Variants in FAM210B observed in about 807,000 individuals in gnomAD.
The protein encoded by FAM210B is mitochondrial inner membrane scaffold 2, also known as family with sequence similarity 210 member B.
In FAM210B, 11 loss-of-function variants were observed where a neutral mutation model predicts 14.9. That is an observed-to-expected ratio of 0.74 (90% CI 0.46 to 1.22). The LOEUF is 1.22. FAM210B is among the 50% of genes most tolerant of loss of function. FAM210B has a pLI of 0.00. For missense variants in FAM210B, 229 were observed against 250.1 expected (o/e 0.92, Z 0.57); for synonymous variants, 113 against 110.2 (o/e 1.03, Z -0.16).
intron 1 of FAM210B, 53 bp from the exon 2 acceptor site, chr20:56,365,034 A>G (rs975915958): frequency 9.0e-6 from 14 of 1,552,460 alleles, no homozygotes; most frequent in East Asian, 2.3e-5. Flanking sequence ...AAAGCCGGTA[A>G]TGACTGCCCG....
At position 56,363,859 on chromosome 20, in the gene FAM210B, G is replaced by A. The variant is rs144368198; in HGVS notation, c.187-1228G>A. Among the ~76,000 whole-genome samples, 11 of 152,284 alleles carry A rather than the reference G, an allele frequency of 7.2e-5. No homozygotes were observed. Among genetic ancestry groups the A allele is most frequent in the South Asian group, 6.2e-4 (3 of 4,826 alleles). ...TTGCTGCATTAATTTTGTGCGCACCGTCCTTTTTTGATGGCATATAACATG... is the reference window on the plus strand; with the variant it reads ...TTGCTGCATTAATTTTGTGCGCACCATCCTTTTTTGATGGCATATAACATG... On this transcript the variant is annotated intron_variant, in intron 1 of 2. Coordinates refer to ENST00000371384, the MANE Select transcript of FAM210B (RefSeq NM_080821.3). This position sits in a 1 kb window ranked among gnomAD's most constrained non-coding sequence, Gnocchi z 4.1.
In FAM210B at chr20:56,362,342, C is replaced by G. The variant is rs1983549578; in HGVS notation, c.187-2745C>G. ...GGGGCATCTCACACACACACTGTCT[C>G]ACACACACTCTCACACACATGTGCA... On this transcript the variant is annotated intron_variant, in intron 1 of 2. Transcript: ENST00000371384. This position sits in a 1 kb window ranked among gnomAD's most constrained non-coding sequence, Gnocchi z 4.8. Among the ~76,000 whole-genome samples, 1 of 54,754 alleles carries G rather than the reference C, an allele frequency of 1.8e-5. No individual in the cohort carries two copies. The highest frequency in any genetic ancestry group is 2.8e-5 in the Non-Finnish European group (1 of 36,226). 35.9% of individuals were successfully genotyped at this position (54,754 alleles called of 152,430 possible). A position where few individuals can be genotyped will look rare whatever the true frequency, so the allele number is the denominator to read the frequency against.
rs1983564368 is a variant in FAM210B, at chr20:56,363,045, G to A, written c.187-2042G>A. Among the ~76,000 whole-genome samples, 1 of 152,242 alleles carries A rather than the reference G, an allele frequency of 6.6e-6. No homozygotes were observed. Among genetic ancestry groups the A allele is most frequent in the Non-Finnish European group, 1.5e-5 (1 of 68,050 alleles). Reference sequence around the variant, plus strand: ...GCCCTCCACAGCCATCCTGGCCGGGGGTGGCAGGACTAGTCAGAAGGCTTC... The same window carrying A: ...GCCCTCCACAGCCATCCTGGCCGGGAGTGGCAGGACTAGTCAGAAGGCTTC... On this transcript the variant is annotated intron_variant, in intron 1 of 2. Transcript: ENST00000371384. The surrounding 1 kb of genome is among the most constrained non-coding windows in gnomAD (Gnocchi z 4.1).
In FAM210B at chr20:56,366,151, G is replaced by C. The variant is rs768275187; in HGVS notation, c.443G>C (p.Ser148Thr). Reference protein sequence around the residue: ...LVQSKMAAGTSTFVVAYAIHK... With the variant: ...LVQSKMAAGTTTFVVAYAIHK... ...CAGTCAAAAATGGCAGCAGGCACAA[G>C]TACCTTCGTGGTGGCCTATGCAATC... Residue 148 changes from serine (S) to threonine (T), a missense_variant, in exon 3 of 3, where the codon AGT becomes ACT. Around this residue, in one of 3 missense-constraint regions of FAM210B, gnomAD observed 53 missense variants for 55.4 expected, o/e 0.96. Transcript: ENST00000371384. 11 of 1,614,190 alleles carry C rather than the reference G, an allele frequency of 6.8e-6. No homozygotes were observed. Among genetic ancestry groups the C allele is most frequent in the Non-Finnish European group, 8.5e-6 (10 of 1,180,036 alleles).
At position 56,363,810 on chromosome 20, in the gene FAM210B, C is replaced by A. The variant is rs1983578348; in HGVS notation, c.187-1277C>A. ...CAGATGTCAGGTGTAAATCTTGATTCTAGGAGTAAATCTGCCATCGCTTTT... is the reference window on the plus strand; with the variant it reads ...CAGATGTCAGGTGTAAATCTTGATTATAGGAGTAAATCTGCCATCGCTTTT... On this transcript the variant is annotated intron_variant, in intron 1 of 2. Transcript: ENST00000371384. This position sits in a 1 kb window ranked among gnomAD's most constrained non-coding sequence, Gnocchi z 4.1. Among the ~76,000 whole-genome samples the A allele has an allele frequency of 6.6e-6, 1 of 152,184 alleles. No homozygotes were observed. The highest frequency in any genetic ancestry group is 6.5e-5 in the Admixed American group (1 of 15,276).
rs770507970 is a variant in FAM210B, at chr20:56,366,170, T to A, written c.462T>A (p.Tyr154Ter). 7 of 1,614,206 alleles carry A rather than the reference T, an allele frequency of 4.3e-6. No homozygotes were observed. Among genetic ancestry groups the A allele is most frequent in the Non-Finnish European group, 5.9e-6 (7 of 1,180,038 alleles). The change falls in exon 3 of 3, where the codon TAT (tyrosine) becomes TAA (stop). Residue 154 changes from tyrosine (Y) to a stop codon, truncating the protein, a stop_gained. Coordinates refer to ENST00000371384, the MANE Select transcript of FAM210B (RefSeq NM_080821.3). LOFTEE classifies it high-confidence loss of function. ...GCACAAGTACCTTCGTGGTGGCCTATGCAATCCACAAGCTGTTTGCGCCAG... is the reference window on the plus strand; with the variant it reads ...GCACAAGTACCTTCGTGGTGGCCTAAGCAATCCACAAGCTGTTTGCGCCAG... ...AAGTSTFVVA[Y>*]AIHKLFAPVR...
In FAM210B at chr20:56,366,163, T is replaced by C. The variant is rs377612329; in HGVS notation, c.455T>C (p.Val152Ala). The part of the protein sequence containing the change: ...KMAAGTSTFV[V>A]AYAIHKLFAP... ...GCAGCAGGCACAAGTACCTTCGTGG[T>C]GGCCTATGCAATCCACAAGCTGTTT... The change falls in exon 3 of 3, where the codon GTG becomes GCG. Residue 152 changes from valine to alanine, a missense_variant. By Grantham distance (64) the Val-to-Ala change is moderately conservative. This residue lies in a region of FAM210B where 53 missense variants were observed against 55.4 expected (regional missense o/e 0.96). Transcript: ENST00000371384. 15 of 1,614,204 alleles carry C rather than the reference T, an allele frequency of 9.3e-6. No homozygotes were observed. The highest frequency in any genetic ancestry group is 1.3e-5 in the Non-Finnish European group (15 of 1,180,038).
At chr20:56,365,344 T>A in intron 2 of FAM210B, 82 bp downstream of exon 2, 1 of 1,244,872 alleles carries the variant, frequency 8.0e-7, no homozygotes, top group Non-Finnish European at 1.1e-6. Flanking sequence ...TTGCTAAGAC[T>A]TTTTTTTTAA....
intron 1 of FAM210B, among the ~76,000 whole-genome samples, chr20:56,361,690 G>C (rs1226081982): frequency 2.6e-5 from 4 of 152,160 alleles, no homozygotes; most frequent in Non-Finnish European, 4.4e-5. Flanking sequence ...TAAAATTAGA[G>C]ATGAGGCCGG....
chr20:56,365,343 CTT>C, intron 2 of FAM210B, 81 bp downstream of exon 2: 1 of 1,433,966 alleles, frequency 7.0e-7, no homozygotes, highest in African/African-American at 1.4e-5. Flanking sequence ...TTTGCTAAGA[CTT>C]TTTTTTTAAG....
chr20:56,366,066 C>T lies in FAM210B; in HGVS notation c.363-5C>T. On this transcript the variant is annotated splice_region_variant and splice_polypyrimidine_tract_variant and intron_variant, in intron 2 of 2. Coordinates refer to ENST00000371384, the MANE Select transcript of FAM210B (RefSeq NM_080821.3). ...TAATTGTTTTCTTTGCTTCTTCCCC[C>T]CTAGTGGTGTGGACATGCCTGCAAT... 3.7e-6 allele frequency: 6 copies of T among 1,611,638 alleles called. No individual in the cohort carries two copies. Among genetic ancestry groups the T allele is most frequent in the African/African-American group, 1.3e-5 (1 of 74,826 alleles).
Position 56,368,126 on chromosome 20 carries a change from A to G in FAM210B, c.*1839A>G, listed in dbSNP as rs1368371996. ...CTTTTAAGGCAATTAGCCCATTGCC[A>G]AAAGGTTTTACTGTCTTAAAGCTGT... On this transcript the variant is annotated 3_prime_UTR_variant, in exon 3 of 3. Transcript: ENST00000371384. 1 of 152,662 alleles carries G rather than the reference A, an allele frequency of 6.6e-6. No individual in the cohort carries two copies. Among genetic ancestry groups the G allele is most frequent in the East Asian group, 1.9e-4 (1 of 5,200 alleles). 9.5% of individuals were successfully genotyped at this position (152,662 alleles called of 1,614,324 possible).
Position 56,366,283 on chromosome 20 carries a change from C to T in FAM210B, c.575C>T (p.Pro192Leu). 1 of 1,613,614 alleles carries T rather than the reference C, an allele frequency of 6.2e-7. No homozygotes were observed. The highest frequency in any genetic ancestry group is 2.2e-5 in the East Asian group (1 of 44,882). Residue 192 changes from proline to leucine, a missense_variant, in exon 3 of 3, where the codon CCT (proline) becomes CTT (leucine). Physicochemically the swap from Pro to Leu is moderately conservative, Grantham distance 98. Transcript: ENST00000371384. ...VGFFKPPAAKP is the reference protein window; with the variant it reads ...VGFFKPPAAKL The stretch of plus-strand genomic sequence containing the variant: ...TTTTTTAAACCTCCAGCTGCAAAAC[C>T]TTAATGAACTCTTCAGTCGTACACA...
intron 1 of FAM210B, chr20:56,360,127 C>G (rs1043046482): frequency 8.6e-6 from 4 of 463,126 alleles, no homozygotes; most frequent in African/African-American, 8.0e-5. Flanking sequence ...GGGATTGGAC[C>G]CAGGCTTTCA....
At chr20:56,361,703 G>A (rs1231445707) in intron 1 of FAM210B, among the ~76,000 whole-genome samples, 15 of 152,166 alleles carry the variant, frequency 9.9e-5, no homozygotes, top group Admixed American at 2.0e-4. Flanking sequence ...GAGGCCGGGC[G>A]CGGTGGCTCA....
chr20:56,360,008 G>T (rs76529327), intron 1 of FAM210B, among the ~76,000 whole-genome samples: 20,183 of 152,244 alleles, frequency 0.13, 1,540 homozygotes, highest in Middle Eastern at 0.2. Context: ...CACCTTCCCA[G>T]CAAGAGTTTG....
rs1369107245 is a variant in FAM210B at position 56,359,287 on chromosome 20, C to A, written c.186+96C>A. 3.5e-6 allele frequency: 4 copies of A among 1,154,598 alleles called. No individual in the cohort carries two copies. The highest frequency in any genetic ancestry group is 4.3e-6 in the Non-Finnish European group (4 of 927,024). 71.5% of individuals were successfully genotyped at this position (1,154,598 alleles called of 1,614,324 possible). On this transcript the variant is annotated intron_variant, in intron 1 of 2. Transcript: ENST00000371384. This position sits in a 1 kb window ranked among gnomAD's most constrained non-coding sequence, Gnocchi z 4.3. The stretch of plus-strand genomic sequence containing the variant: ...GGTCCGGCCGCCTCCGCCAAGGACG[C>A]CTTTGCACTTGTAGCTGCCCGGGAC...
chr20:56,363,636 T>C lies in FAM210B; in HGVS notation c.187-1451T>C, dbSNP rs942851824. 2.0e-5 allele frequency among the ~76,000 whole-genome samples: 3 copies of C among 152,156 alleles called. No individual in the cohort carries two copies. Among genetic ancestry groups the C allele is most frequent in the East Asian group, 3.9e-4 (2 of 5,184 alleles). Reference sequence around the variant, plus strand: ...GAAGTGGTTTTTTTCCCTCCCCTAATGTGGGTGAGGTTGGTATTTTTGTTT... The same window carrying C: ...GAAGTGGTTTTTTTCCCTCCCCTAACGTGGGTGAGGTTGGTATTTTTGTTT... On this transcript the variant is annotated intron_variant, in intron 1 of 2. Transcript: ENST00000371384. This position sits in a 1 kb window ranked among gnomAD's most constrained non-coding sequence, Gnocchi z 4.1.
intron 2 of FAM210B, among the ~76,000 whole-genome samples, chr20:56,365,593 C>T (rs1019283089): frequency 2.6e-5 from 4 of 152,158 alleles, no homozygotes; most frequent in Non-Finnish European, 5.9e-5. Context: ...GCAAGCTCTG[C>T]CTCCCGGGTT....
Sources: allele counts gnomAD v4.1 joint callset (sites outside exome capture counted in the v4.1 genomes callset), GRCh38; gene constraint gnomAD v4.1.1; regional missense constraint gnomAD v4.1.1; non-coding constraint Gnocchi (gnomAD v3.1); transcripts MANE v1.5; gene names NCBI Gene and HGNC (gene_info 2026-07-23, HGNC 2026-07-21).